Variants in INPP5B observed in about 807,000 individuals in gnomAD.
The protein encoded by INPP5B is type II inositol 1,4,5-trisphosphate 5-phosphatase.
INPP5B carries 90 observed loss-of-function variants against 118.5 expected under a neutral mutation model. The ratio of observed to expected loss-of-function variants is 0.76; its 90% CI spans 0.64 to 0.90. INPP5B has a LOEUF of 0.90. Among genes scored for constraint, INPP5B ranks in the 40% least tolerant of loss-of-function variants. The probability of loss-of-function intolerance (pLI) is 0.00; values close to 1 mark genes in which losing one functional copy is unlikely to be tolerated. For synonymous variants in INPP5B, 385 were observed against 418.9 expected (o/e 0.92, Z 0.99); for missense variants, 984 against 1,125.6 (o/e 0.87, Z 1.80).
At chr1:37,946,149 A>T in intron 2 of INPP5B, 103 bp downstream of exon 2, 5 of 1,099,276 alleles carry the variant, frequency 4.5e-6, no homozygotes, top group Non-Finnish European at 6.8e-6. Context: ...TTCTCCCCTG[A>T]TGGTTCAGAG....
chr1:37,904,613 C>T (rs1222686009), intron 7 of INPP5B, among the ~76,000 whole-genome samples: 3 of 152,202 alleles, frequency 2.0e-5, no homozygotes, highest in African/African-American at 7.2e-5. Context: ...CACGTTGGCT[C>T]ATGTCTGTAA....
chr1:37,916,486 G>A (rs1392148341), intron 7 of INPP5B, among the ~76,000 whole-genome samples: 1 of 150,236 alleles, frequency 6.7e-6, no homozygotes, highest in Non-Finnish European at 1.5e-5. Context: ...GCACGATCTC[G>A]GCTCACCACA....
intron 7 of INPP5B, among the ~76,000 whole-genome samples, chr1:37,904,858 CAA>C (rs977550844): frequency 3.8e-4 from 56 of 147,456 alleles, no homozygotes; most frequent in African/African-American, 1.3e-3. Flanking sequence ...GCCTGGGAAA[CAA>C]GAGCACAACT....
chr1:37,925,541 A>G lies in INPP5B; in HGVS notation c.532+6372T>C, dbSNP rs568994066. Among the ~76,000 whole-genome samples, 118 of 152,318 alleles carry G rather than the reference A, an allele frequency of 7.7e-4. 1 individual carries two copies. The highest frequency in any genetic ancestry group is 2.8e-3 in the African/African-American group (115 of 41,584). ...GTGCGCACCACTGTGCCGGGCTAAC[A>G]GTATATTTTAAGTAGCAAAGAAAAA... is the stretch of plus-strand genomic sequence containing the variant. On this transcript the variant is annotated intron_variant, in intron 7 of 23. Coordinates refer to ENST00000373024, the MANE Select transcript of INPP5B (RefSeq NM_005540.3).
At position 37,940,679 on chromosome 1, in the gene INPP5B, C is replaced by T; in HGVS notation, c.391+9G>A. 6.3e-7 allele frequency: 1 copy of T among 1,591,684 alleles called. No individual in the cohort carries two copies. The highest frequency in any genetic ancestry group is 8.6e-7 in the Non-Finnish European group (1 of 1,159,710). ...CACCCACCCCCAGGGAGCCTGGGGT[C>T]TTACCTACCTGGACAGGCCCTGGCA... On this transcript the variant is annotated intron_variant, in intron 6 of 23. Coordinates refer to ENST00000373024, the MANE Select transcript of INPP5B (RefSeq NM_005540.3).
chr1:37,936,212 C>T (rs1055455846), intron 6 of INPP5B, among the ~76,000 whole-genome samples: 1 of 152,176 alleles, frequency 6.6e-6, no homozygotes, highest in Non-Finnish European at 1.5e-5. Flanking sequence ...CCCTCCTCTT[C>T]CCCCAAGTTC....
intron 7 of INPP5B, among the ~76,000 whole-genome samples, chr1:37,918,902 A>G (rs1417995072): frequency 1.3e-5 from 2 of 152,184 alleles, no homozygotes; most frequent in Non-Finnish European, 2.9e-5. Flanking sequence ...TTTATCAAGT[A>G]CCTCTCATAG....
chr1:37,943,564 C>G (rs1646012117), intron 5 of INPP5B, 76 bp downstream of exon 5: 7 of 1,530,820 alleles, frequency 4.6e-6, no homozygotes, highest in Non-Finnish European at 9.0e-7. Flanking sequence ...GGTGCTCTTA[C>G]TTTACACCAT....
intron 7 of INPP5B, among the ~76,000 whole-genome samples, chr1:37,904,622 A>C (rs377378567): frequency 1.3e-5 from 2 of 152,314 alleles, no homozygotes; most frequent in East Asian, 3.9e-4. Flanking sequence ...TCATGTCTGT[A>C]ATCCCAGCAC....
At chr1:37,890,895 T>G (rs1221488024) in intron 8 of INPP5B, among the ~76,000 whole-genome samples, 1 of 151,594 alleles carries the variant, frequency 6.6e-6, no homozygotes, top group African/African-American at 2.4e-5. Context: ...AAGAGCAGGG[T>G]GCCTGGCAGT....
chr1:37,881,037 A>G (rs1643168358), intron 14 of INPP5B, among the ~76,000 whole-genome samples: 2 of 152,152 alleles, frequency 1.3e-5, no homozygotes, highest in African/African-American at 2.4e-5. Context: ...CTCTTTCATA[A>G]GAGCATAGCT....
At chr1:37,943,578 T>A (rs1015983941) in intron 5 of INPP5B, 62 bp downstream of exon 5, 2 of 1,573,938 alleles carry the variant, frequency 1.3e-6, no homozygotes, top group Admixed American at 3.5e-5. Flanking sequence ...ACACCATTCT[T>A]CTTTCTCTGA....
chr1:37,923,981 T>C (rs1183584098), intron 7 of INPP5B, among the ~76,000 whole-genome samples: 1 of 152,070 alleles, frequency 6.6e-6, no homozygotes, highest in Non-Finnish European at 1.5e-5. Context: ...TTTCACCATG[T>C]TGGCCAGGCT....
At chr1:37,888,425 G>A in intron 9 of INPP5B, 81 bp from the exon 10 acceptor site, 2 of 838,198 alleles carry the variant, frequency 2.4e-6, no homozygotes, top group Non-Finnish European at 3.5e-6. Flanking sequence ...GATTTATGCT[G>A]GTTTCCGTCT....
chr1:37,883,320 G>A (rs1643322680), intron 13 of INPP5B: 1 of 985,290 alleles, frequency 1.0e-6, no homozygotes, highest in African/African-American at 1.7e-5. Context: ...TGTGTATACT[G>A]CAACCCACAA....
chr1:37,942,456 AT>A (rs1363628053), intron 5 of INPP5B, among the ~76,000 whole-genome samples: 3 of 152,060 alleles, frequency 2.0e-5, no homozygotes, highest in African/African-American at 7.2e-5. Context: ...GAAAAGCGTG[AT>A]TTGGTGTATG....
intron 7 of INPP5B, among the ~76,000 whole-genome samples, chr1:37,905,496 GT>G (rs1354751456): frequency 6.6e-6 from 1 of 152,166 alleles, no homozygotes; most frequent in Non-Finnish European, 1.5e-5. Context: ...CTTAGTGTAT[GT>G]TACTAATAAT....
intron 7 of INPP5B, among the ~76,000 whole-genome samples, chr1:37,922,569 G>A (rs1295908047): frequency 4.6e-5 from 7 of 152,032 alleles, no homozygotes; most frequent in African/African-American, 7.3e-5. Context: ...GGTGGCAGGC[G>A]CCTGTAGTCC....
At position 37,908,473 on chromosome 1, in the gene INPP5B, C is replaced by A. The variant is rs140609815; in HGVS notation, c.533-17019G>T. Among the ~76,000 whole-genome samples the A allele has an allele frequency of 1.3e-4, 20 of 152,106 alleles. No individual in the cohort carries two copies. The East Asian group carries it at 3.1e-3, about 24-fold the overall frequency. ...GGAGACGGCCAGGTGCGGTGGCTCA[C>A]GCCTGCAATCCCAGCTCTCAGGGAG... On this transcript the variant is annotated intron_variant, in intron 7 of 23. Coordinates refer to ENST00000373024, the MANE Select transcript of INPP5B (RefSeq NM_005540.3).
Sources: allele counts gnomAD v4.1 joint callset (sites outside exome capture counted in the v4.1 genomes callset), GRCh38; gene constraint gnomAD v4.1.1; transcripts MANE v1.5; gene names NCBI Gene and HGNC (gene_info 2026-07-23, HGNC 2026-07-21).